Variants in TEK observed in about 807,000 individuals in gnomAD.
The protein encoded by TEK is angiopoietin-1 receptor.
TEK carries 43 observed loss-of-function variants against 131.8 expected under a neutral mutation model. The observed-to-expected ratio is 0.33, with a 90% CI of 0.26 to 0.42. TEK has a LOEUF of 0.42. TEK is among the 10% of genes least tolerant of loss of function. The pLI, the probability that TEK is intolerant of heterozygous loss-of-function variation, is 1.00. For synonymous variants in TEK, 580 were observed against 491.6 expected (o/e 1.18, Z -2.38); for missense variants, 1,162 against 1,384.4 (o/e 0.84, Z 2.55).
chr9:27,223,075 A>T (rs948411955), intron 21 of TEK, among the ~76,000 whole-genome samples: 1 of 152,184 alleles, frequency 6.6e-6, no homozygotes. Context: ...CAGCTAACTA[A>T]CTATCTTAAA....
At chr9:27,224,232 A>G (rs1443482854) in intron 21 of TEK, among the ~76,000 whole-genome samples, 6 of 151,032 alleles carry the variant, frequency 4.0e-5, no homozygotes, top group Admixed American at 3.9e-4. Context: ...AACAATAGAA[A>G]AAGAGGGATC....
intron 13 of TEK, among the ~76,000 whole-genome samples, 195 bp from the exon 14 acceptor site, chr9:27,204,716 T>C (rs1825342079): frequency 6.6e-6 from 1 of 151,958 alleles, no homozygotes; most frequent in African/African-American, 2.4e-5. Context: ...TTAATCTTAT[T>C]ACAACCCTGT....
Position 27,194,708 on chromosome 9 carries a change from G to A in TEK, c.1624+2085G>A, listed in dbSNP as rs1016571794. Among the ~76,000 whole-genome samples the A allele has an allele frequency of 2.6e-5, 4 of 152,268 alleles. No individual in the cohort carries two copies. In the East Asian group the frequency reaches 7.7e-4, roughly 29 times the overall value. ...AGCCCTCAGAATGTGTTGCAGCCAG[G>A]AGGTCTCTCAGAATATTTCAAAGTA... On this transcript the variant is annotated intron_variant, in intron 11 of 22. Coordinates refer to ENST00000380036, the MANE Select transcript of TEK (RefSeq NM_000459.5).
At chr9:27,146,235 A>G (rs945263692) in intron 1 of TEK, among the ~76,000 whole-genome samples, 7 of 152,154 alleles carry the variant, frequency 4.6e-5, no homozygotes, top group African/African-American at 1.4e-4. Context: ...ATCTTTGCAT[A>G]TTTTTACTGG....
chr9:27,154,803 G>A (rs1823269399), intron 1 of TEK, among the ~76,000 whole-genome samples: 1 of 152,120 alleles, frequency 6.6e-6, no homozygotes, highest in Non-Finnish European at 1.5e-5. Context: ...CTGAACAAGG[G>A]TAGCGAAGTA....
chr9:27,110,225 T>C (rs1366259678), intron 1 of TEK, among the ~76,000 whole-genome samples: 1 of 152,024 alleles, frequency 6.6e-6, no homozygotes, highest in African/African-American at 2.4e-5. Flanking sequence ...ATTAGAATTT[T>C]TGTTTTATTT....
Position 27,148,782 on chromosome 9 carries a change from C to T in TEK, c.53-9049C>T, listed in dbSNP as rs191293835. ...TCTCTGTGAATTGCTATTGGTTCAA[C>T]GACTTATGAAATTTCTTTATATGTT... On this transcript the variant is annotated intron_variant, in intron 1 of 22. Transcript: ENST00000380036. Among the ~76,000 whole-genome samples the T allele has an allele frequency of 2.8e-3, 427 of 152,286 alleles. 2 individuals are homozygous for T. The highest frequency in any genetic ancestry group is 0.014 in the Middle Eastern group (4 of 294).
chr9:27,141,135 T>A (rs1416485959), intron 1 of TEK, among the ~76,000 whole-genome samples: 1 of 152,176 alleles, frequency 6.6e-6, no homozygotes, highest in Non-Finnish European at 1.5e-5. Context: ...TTAAAACATT[T>A]ACCTTTAAAT....
intron 21 of TEK, among the ~76,000 whole-genome samples, chr9:27,224,137 A>G (rs941989891): frequency 8.5e-5 from 13 of 152,184 alleles, no homozygotes; most frequent in Non-Finnish European, 1.6e-4. Context: ...CCTACCAAAA[A>G]AAGTCCAGGA....
Position 27,208,734 on chromosome 9 carries a change from T to A in TEK, c.2576-387T>A, listed in dbSNP as rs1014344817. 3.3e-5 allele frequency among the ~76,000 whole-genome samples: 5 copies of A among 152,330 alleles called. No individual in the cohort carries two copies. The South Asian group carries it at 1.0e-3, about 32-fold the overall frequency. On this transcript the variant is annotated intron_variant, in intron 15 of 22. Transcript: ENST00000380036. ...GCTAAAATCTAAAAGATGATACAGCTCCACCTCTACCAAGTCATTTACCTG... is the reference window on the plus strand; with the variant it reads ...GCTAAAATCTAAAAGATGATACAGCACCACCTCTACCAAGTCATTTACCTG...
intron 4 of TEK, among the ~76,000 whole-genome samples, chr9:27,171,198 CA>C (rs1823942662): frequency 6.6e-6 from 1 of 152,084 alleles, no homozygotes; most frequent in Non-Finnish European, 1.5e-5. Context: ...AGGAACTTCA[CA>C]AATAGAAAGA....
chr9:27,120,028 C>A (rs766095650), intron 1 of TEK, among the ~76,000 whole-genome samples: 2 of 152,200 alleles, frequency 1.3e-5, no homozygotes, highest in Non-Finnish European at 2.9e-5. Flanking sequence ...CCCCTTGCAT[C>A]TGGAAAGGAT....
At chr9:27,190,323 A>AT (rs1230321330) in intron 9 of TEK, among the ~76,000 whole-genome samples, 1 of 152,158 alleles carries the variant, frequency 6.6e-6, no homozygotes, top group Non-Finnish European at 1.5e-5. Context: ...GGGCACATTT[A>AT]TTTTAAGGAA....
In TEK at chr9:27,229,444, C is replaced by A; in HGVS notation, c.*212C>A. On this transcript the variant is annotated 3_prime_UTR_variant, in exon 23 of 23. Coordinates refer to ENST00000380036, the MANE Select transcript of TEK (RefSeq NM_000459.5). Reference sequence around the variant, plus strand: ...CTGTATATACTGTTTTAAGAATGGGCTGAAATCAGAATGCCTGTTTGTGGT... The same window carrying A: ...CTGTATATACTGTTTTAAGAATGGGATGAAATCAGAATGCCTGTTTGTGGT... 5.1e-6 allele frequency: 3 copies of A among 584,742 alleles called. No homozygotes were observed. Among genetic ancestry groups the A allele is most frequent in the Non-Finnish European group, 6.1e-6 (2 of 326,850 alleles). 36.2% of individuals were successfully genotyped at this position (584,742 alleles called of 1,614,324 possible).
intron 1 of TEK, among the ~76,000 whole-genome samples, chr9:27,156,370 T>C (rs2131116619): frequency 6.6e-6 from 1 of 152,142 alleles, no homozygotes; most frequent in East Asian, 1.9e-4. Flanking sequence ...ATTATGGTAA[T>C]CTGTATGAAT....
chr9:27,186,410 T>C (rs1056941590), intron 9 of TEK, among the ~76,000 whole-genome samples: 4 of 152,230 alleles, frequency 2.6e-5, no homozygotes, highest in African/African-American at 4.8e-5. Context: ...AGATTACTTG[T>C]AATTTCTGAT....
Position 27,177,859 on chromosome 9 carries a change from A to G in TEK, c.902-2381A>G, listed in dbSNP as rs564162834. Among the ~76,000 whole-genome samples the G allele has an allele frequency of 2.0e-5, 3 of 152,306 alleles. No individual in the cohort carries two copies. In the South Asian group the frequency reaches 6.2e-4, roughly 32 times the overall value. ...TTTGCGTTCCTTATATATTCTGGAT[A>G]TTAACCTCTTATCAGGTGTATACTT... On this transcript the variant is annotated intron_variant, in intron 6 of 22. Transcript: ENST00000380036.
At chr9:27,152,212 G>A (rs1010796781) in intron 1 of TEK, among the ~76,000 whole-genome samples, 6 of 152,126 alleles carry the variant, frequency 3.9e-5, no homozygotes, top group Admixed American at 2.0e-4. Context: ...AAGACATGAC[G>A]CATTATTCCA....
intron 17 of TEK, 84 bp from the exon 18 acceptor site, chr9:27,213,400 A>C (rs891428660): frequency 2.0e-6 from 2 of 976,254 alleles, no homozygotes; most frequent in Admixed American, 3.6e-5. Context: ...TTTTTATACT[A>C]TTGTTTTCTT....
Sources: allele counts gnomAD v4.1 joint callset (sites outside exome capture counted in the v4.1 genomes callset), GRCh38; gene constraint gnomAD v4.1.1; transcripts MANE v1.5; gene names NCBI Gene and HGNC (gene_info 2026-07-23, HGNC 2026-07-21).